KLHL1: variants seen among roughly 807,000 people sequenced by gnomAD.
KLHL1 encodes the protein kelch like family member 1, also known as kelch-like protein 1.
In KLHL1, 47 loss-of-function variants were observed where a neutral mutation model predicts 77.7. That is an observed-to-expected ratio of 0.60 (90% CI 0.48 to 0.77). The LOEUF (loss-of-function observed/expected upper bound fraction) is 0.77, where lower values mean the gene tolerates loss of function less well. Ranked by LOEUF, KLHL1 falls within the 30% of genes least tolerant of loss-of-function variation. The pLI is 0.00. For missense variants in KLHL1, 925 were observed against 910.8 expected, an observed-to-expected ratio of 1.02 and a Z score of -0.20; for synonymous variants, 360 against 325.2, an observed-to-expected ratio of 1.11 and a Z score of -1.15.
At chr13:69,916,449 A>G (rs1180306629) in intron 4 of KLHL1, among the ~76,000 whole-genome samples, 7 of 152,116 alleles carry the variant, frequency 4.6e-5, no homozygotes, top group Non-Finnish European at 1.0e-4. Context: ...AGGGACATGG[A>G]TGAAGCTGGA....
intron 7 of KLHL1, among the ~76,000 whole-genome samples, chr13:69,749,654 A>G (rs887018522): frequency 6.6e-5 from 10 of 152,098 alleles, no homozygotes; most frequent in Non-Finnish European, 1.2e-4. Flanking sequence ...ACTATATCCA[A>G]TGAAGATGTT....
At chr13:70,078,074 T>C (rs2137426684) in intron 1 of KLHL1, among the ~76,000 whole-genome samples, 1 of 152,130 alleles carries the variant, frequency 6.6e-6, no homozygotes. Flanking sequence ...TATTTTTTAT[T>C]TTTTCTGCAT....
At position 69,830,136 on chromosome 13, in the gene KLHL1, A is replaced by T. The variant is rs561379049; in HGVS notation, c.1414+8840T>A. ...TTAACATTGAATGTAAATGGCCTAAATGCCCCACATAAAAAATACGGAATG... is the reference window on the plus strand; with the variant it reads ...TTAACATTGAATGTAAATGGCCTAATTGCCCCACATAAAAAATACGGAATG... On this transcript the variant is annotated intron_variant, in intron 6 of 10. Transcript: ENST00000377844. Among the ~76,000 whole-genome samples the T allele has an allele frequency of 1.1e-3, 159 of 150,226 alleles. 2 individuals carry two copies. Among genetic ancestry groups the T allele is most frequent in the Non-Finnish European group, 1.0e-3 (70 of 67,810 alleles).
At chr13:69,865,508 G>A (rs1363864493) in intron 5 of KLHL1, among the ~76,000 whole-genome samples, 2 of 152,090 alleles carry the variant, frequency 1.3e-5, no homozygotes, top group Non-Finnish European at 1.5e-5. Flanking sequence ...GATTTAATTT[G>A]TGTTTTTAAA....
chr13:69,740,622 T>G (rs927976365), intron 7 of KLHL1, 66 bp from the exon 8 acceptor site: 15 of 1,231,742 alleles, frequency 1.2e-5, no homozygotes, highest in Non-Finnish European at 1.7e-5. Context: ...TAAAAATCTG[T>G]TAAGTGGGTA....
At chr13:69,876,867 G>A (rs759057351) in intron 5 of KLHL1, among the ~76,000 whole-genome samples, 5 of 151,998 alleles carry the variant, frequency 3.3e-5, no homozygotes, top group South Asian at 2.1e-4. Context: ...GCAAAACCCC[G>A]TCTCTATTAA....
At chr13:69,926,563 T>C (rs75670552) in intron 4 of KLHL1, among the ~76,000 whole-genome samples, 1,893 of 152,182 alleles carry the variant, frequency 0.012, 37 homozygotes, top group African/African-American at 0.042. Context: ...ATCAAAATCC[T>C]AGCTGGCTAT....
At chr13:69,994,011 G>T (rs1885089213) in intron 1 of KLHL1, among the ~76,000 whole-genome samples, 1 of 152,068 alleles carries the variant, frequency 6.6e-6, no homozygotes, top group African/African-American at 2.4e-5. Flanking sequence ...TAGCAACAAT[G>T]GAAGTTATAA....
At chr13:69,945,467 A>G (rs1013288641) in intron 3 of KLHL1, among the ~76,000 whole-genome samples, 4 of 151,926 alleles carry the variant, frequency 2.6e-5, no homozygotes, top group African/African-American at 9.7e-5. Flanking sequence ...AGAAAGAAAA[A>G]AAAAAAGCCA....
intron 9 of KLHL1, among the ~76,000 whole-genome samples, chr13:69,710,529 G>A (rs1875825963): frequency 6.6e-6 from 1 of 151,938 alleles, no homozygotes; most frequent in South Asian, 2.1e-4. Context: ...TTTAGGAAGA[G>A]AAGAGATCAC....
At chr13:70,051,036 T>C (rs1290127248) in intron 1 of KLHL1, among the ~76,000 whole-genome samples, 1 of 151,956 alleles carries the variant, frequency 6.6e-6, no homozygotes, top group South Asian at 2.1e-4. Flanking sequence ...CCAGGTTTGG[T>C]TGGAATATAA....
chr13:69,971,060 T>C (rs1309729747), intron 2 of KLHL1, among the ~76,000 whole-genome samples: 4 of 152,098 alleles, frequency 2.6e-5, no homozygotes, highest in Non-Finnish European at 4.4e-5. Context: ...AGTCAGTCTA[T>C]TGTGGTTGTT....
intron 3 of KLHL1, among the ~76,000 whole-genome samples, chr13:69,948,992 A>G (rs954159500): frequency 1.3e-5 from 2 of 151,936 alleles, no homozygotes; most frequent in Non-Finnish European, 2.9e-5. Flanking sequence ...TTAGTAACTC[A>G]TAGGTATTTT....
intron 5 of KLHL1, among the ~76,000 whole-genome samples, chr13:69,856,510 A>G (rs1434223579): frequency 6.6e-6 from 1 of 152,046 alleles, no homozygotes; most frequent in Non-Finnish European, 1.5e-5. Context: ...AGCAGGGTAA[A>G]ATCGCAGATC....
At chr13:69,861,949 G>C (rs1880182608) in intron 5 of KLHL1, among the ~76,000 whole-genome samples, 1 of 141,874 alleles carries the variant, frequency 7.0e-6, no homozygotes, top group African/African-American at 2.6e-5. Flanking sequence ...TGAGCAACAA[G>C]AGCGAAACTC....
intron 6 of KLHL1, among the ~76,000 whole-genome samples, chr13:69,814,301 T>C (rs1467778850): frequency 6.6e-6 from 1 of 151,926 alleles, no homozygotes; most frequent in African/African-American, 2.4e-5. Flanking sequence ...CATAGAACAA[T>C]ACCTATAAAA....
At position 69,961,372 on chromosome 13, in the gene KLHL1, C is replaced by T. The variant is rs781724493; in HGVS notation, c.753G>A (p.Glu251=). The T allele has an allele frequency of 3.7e-6, 6 of 1,613,138 alleles. No homozygotes were observed. The highest frequency in any genetic ancestry group is 4.5e-5 in the East Asian group (2 of 44,798). The change falls in exon 3 of 11, where the codon GAG becomes GAA. Residue 251 remains glutamate, a synonymous_variant. Transcript: ENST00000377844. ...FTSDVCEAKQ[E]EIKMEGIDPN... is the part of the protein sequence containing the mutation. ...GGTCTATGCCTTCCATTTTGATCTC[C>T]TCTTGCTTGGCTTCACAAACATCAC...
intron 9 of KLHL1, among the ~76,000 whole-genome samples, chr13:69,709,954 A>T (rs1341798533): frequency 6.6e-6 from 1 of 151,900 alleles, no homozygotes; most frequent in Non-Finnish European, 1.5e-5. Flanking sequence ...TCACACAAGC[A>T]GTTTTTCTGA....
In KLHL1 at chr13:69,712,777, G is replaced by A. The variant is rs1401145259; in HGVS notation, c.2016-4981C>T. ...TGTTTTTTGTTTTTTTTTTTTGGGG[G>A]GGGGGTTTTGTTTGTTTGCTTATTT... is the stretch of plus-strand genomic sequence containing the variant. On this transcript the variant is annotated intron_variant, in intron 9 of 10. Transcript: ENST00000377844. Among the ~76,000 whole-genome samples the A allele has an allele frequency of 4.1e-5, 6 of 146,296 alleles. No individual in the cohort carries two copies. The East Asian group carries it at 1.2e-3, about 30-fold the overall frequency.
Sources: gnomAD v4.1 joint callset for allele counts (sites outside exome capture counted in the v4.1 genomes callset) on GRCh38, gnomAD v4.1.1 for gene constraint, MANE v1.5 for transcripts, NCBI Gene and HGNC (gene_info 2026-07-23, HGNC 2026-07-21) for gene names.